HERC2: variants seen among roughly 807,000 people sequenced by gnomAD.
HERC2 encodes E3 ubiquitin-protein ligase HERC2.
Under a neutral mutation model 537.7 loss-of-function variants are expected in HERC2, and 102 were observed. The observed-to-expected ratio is 0.19, with a 90% CI of 0.16 to 0.22. The LOEUF is 0.22. Among genes scored for constraint, HERC2 ranks in the 10% least tolerant of loss-of-function variants. The probability of loss-of-function intolerance (pLI) is 1.00; values close to 1 mark genes in which losing one functional copy is unlikely to be tolerated. For synonymous variants in HERC2, 2,224 were observed against 2,466.2 expected (o/e 0.90, Z 2.91); for missense variants, 4,236 against 6,198.2 (o/e 0.68, Z 10.63).
chr15:28,262,839 G>T, intron 15 of HERC2, 79 bp downstream of exon 15: 1 of 1,415,176 alleles, frequency 7.1e-7, no homozygotes, highest in Non-Finnish European at 9.7e-7. Context: ...GTCAGGTTAA[G>T]AACATAAAAC....
At chr15:28,231,657 A>G (rs1281920659) in intron 30 of HERC2, among the ~76,000 whole-genome samples, 1 of 152,108 alleles carries the variant, frequency 6.6e-6, no homozygotes, top group Non-Finnish European at 1.5e-5. Flanking sequence ...ACTTCCCTCC[A>G]TGCACCCTTC....
In HERC2 at chr15:28,274,284, A is replaced by C; in HGVS notation, c.800+7T>G. ...GCGTGCAGAAGGCAAGAAAGGAAAG[A>C]ACTCACCCCGTCACGACGGACCTGA... On this transcript the variant is annotated splice_region_variant and intron_variant, in intron 7 of 92. Transcript: ENST00000261609. 6.2e-7 allele frequency: 1 copy of C among 1,614,008 alleles called. No individual in the cohort carries two copies. The highest frequency in any genetic ancestry group is 1.7e-5 in the Admixed American group (1 of 60,006).
At chr15:28,258,873 T>C (rs1422250135) in intron 16 of HERC2, among the ~76,000 whole-genome samples, 2 of 151,874 alleles carry the variant, frequency 1.3e-5, no homozygotes, top group Non-Finnish European at 2.9e-5. Flanking sequence ...AGATACAAAT[T>C]ATCAGAATCA....
At chr15:28,194,200 G>C (rs891072704) in intron 52 of HERC2, among the ~76,000 whole-genome samples, 63 of 150,358 alleles carry the variant, frequency 4.2e-4, no homozygotes, top group Non-Finnish European at 8.4e-4. Context: ...CGAGTAGCTG[G>C]GACTACAGGC....
At chr15:28,191,626 C>T (rs530495007) in intron 53 of HERC2, among the ~76,000 whole-genome samples, 3 of 152,286 alleles carry the variant, frequency 2.0e-5, no homozygotes, top group South Asian at 2.1e-4. Context: ...ATGTGCAACA[C>T]AAATTTGCTA....
intron 21 of HERC2, 92 bp from the exon 22 acceptor site, chr15:28,246,989 CAT>C: frequency 2.8e-6 from 3 of 1,062,260 alleles, no homozygotes; most frequent in Non-Finnish European, 4.2e-6. Context: ...CTCATCTACA[CAT>C]CTTTTACCCA....
In HERC2 at chr15:28,135,576, C is replaced by T. The variant is rs1282755679; in HGVS notation, c.12132G>A (p.Val4044=). 4.3e-6 allele frequency: 7 copies of T among 1,614,104 alleles called. No homozygotes were observed. The highest frequency in any genetic ancestry group is 5.9e-6 in the Non-Finnish European group (7 of 1,180,026). Reference sequence around the variant, plus strand: ...CAAGGCAGTGCTTTCCTCCAGAGTTCACAGCTACTTTCTTAATAAACACAT... The same window carrying T: ...CAAGGCAGTGCTTTCCTCCAGAGTTTACAGCTACTTTCTTAATAAACACAT... ...IQHVFIKKVA[V]NSGGKHCLAL... is the part of the protein sequence containing the mutation. The change falls in exon 79 of 93, where the codon GTG becomes GTA. Residue 4044 remains valine (V), a synonymous_variant. Coordinates refer to ENST00000261609, the MANE Select transcript of HERC2 (RefSeq NM_004667.6).
At chr15:28,264,548 T>C (rs1162588290) in intron 14 of HERC2, among the ~76,000 whole-genome samples, 1 of 152,114 alleles carries the variant, frequency 6.6e-6, no homozygotes, top group Non-Finnish European at 1.5e-5. Flanking sequence ...AGAAAATATA[T>C]AGCAGCACAG....
chr15:28,217,597 A>T, intron 38 of HERC2, among the ~76,000 whole-genome samples: 1 of 152,044 alleles, frequency 6.6e-6, no homozygotes. Flanking sequence ...CCACACAAAC[A>T]CTTTATGGAT....
rs1890952131 is a variant in HERC2 at position 28,139,286 on chromosome 15, G to C, written c.12015+2146C>G. ...TCTGTGATTCAGTTACACAGGACCG[G>C]GGCTCTGTCTCCTCCACTCTCTCTT... On this transcript the variant is annotated intron_variant, in intron 78 of 92. Coordinates refer to ENST00000261609, the MANE Select transcript of HERC2 (RefSeq NM_004667.6). Among the ~76,000 whole-genome samples, 3 of 152,298 alleles carry C rather than the reference G, an allele frequency of 2.0e-5. No individual in the cohort carries two copies. The South Asian group carries it at 6.2e-4, about 32-fold the overall frequency.
At chr15:28,115,855 G>A (rs1283780553) in intron 88 of HERC2, among the ~76,000 whole-genome samples, 1 of 152,230 alleles carries the variant, frequency 6.6e-6, no homozygotes, top group African/African-American at 2.4e-5. Flanking sequence ...CCTCCAGGGA[G>A]CTACAGCCCT....
chr15:28,263,678 A>G (rs2075475155), intron 14 of HERC2, among the ~76,000 whole-genome samples: 1 of 152,216 alleles, frequency 6.6e-6, no homozygotes, highest in African/African-American at 2.4e-5. Context: ...AAATATTTTT[A>G]TTTTTATGGT....
chr15:28,305,045 T>G (rs1377891226), intron 2 of HERC2, among the ~76,000 whole-genome samples: 1 of 149,240 alleles, frequency 6.7e-6, no homozygotes, highest in Non-Finnish European at 1.5e-5. Flanking sequence ...GGACATGAAC[T>G]CATCATTTTT....
rs772557119 is a variant in HERC2, at chr15:28,228,408, A to G, written c.5274T>C (p.Gly1758=). ...MDASAKFKEL[G]IQPVPLQTIT... ...TGGTTTGCAGGGGAACCGGCTGGAT[A>G]CCTAATGAGCATTGGCACCTACTGA... Residue 1758 remains glycine (G), a splice_region_variant and synonymous_variant, in exon 35 of 93, where the codon GGT becomes GGC. Transcript: ENST00000261609. 3.7e-6 allele frequency: 6 copies of G among 1,611,986 alleles called. No homozygotes were observed. Among genetic ancestry groups the G allele is most frequent in the Non-Finnish European group, 5.1e-6 (6 of 1,179,822 alleles).
At chr15:28,258,517 C>A (rs1388064804) in intron 16 of HERC2, among the ~76,000 whole-genome samples, 1 of 151,920 alleles carries the variant, frequency 6.6e-6, no homozygotes, top group Non-Finnish European at 1.5e-5. Context: ...AAAAACAATT[C>A]TCAAGAGAAA....
At position 28,162,977 on chromosome 15, in the gene HERC2, C is replaced by T. The variant is rs950988140; in HGVS notation, c.10746+117G>A. On this transcript the variant is annotated intron_variant, in intron 69 of 92. Coordinates refer to ENST00000261609, the MANE Select transcript of HERC2 (RefSeq NM_004667.6). The stretch of plus-strand genomic sequence containing the variant: ...AGGAGTGCTCCTAACCTGCAGTCTA[C>T]TAGGATGAAACCCAGCACAAGATCA... The T allele has an allele frequency of 9.3e-6, 8 of 857,296 alleles. No individual in the cohort carries two copies. In the South Asian group the frequency reaches 9.7e-5, roughly 10 times the overall value. The allele number at this position is 857,296 out of a possible 1,614,324, so 53.1% of individuals were successfully genotyped here.
At chr15:28,291,750 A>C (rs1445307645) in intron 4 of HERC2, among the ~76,000 whole-genome samples, 1 of 151,930 alleles carries the variant, frequency 6.6e-6, no homozygotes, top group Non-Finnish European at 1.5e-5. Flanking sequence ...CAATTAAAAA[A>C]TGGAATTAGC....
At chr15:28,199,357 A>AT (rs1292768352) in intron 48 of HERC2, among the ~76,000 whole-genome samples, 1 of 152,180 alleles carries the variant, frequency 6.6e-6, no homozygotes, top group African/African-American at 2.4e-5. Flanking sequence ...CATCAAAAAC[A>AT]TAACAGTGGA....
intron 14 of HERC2, among the ~76,000 whole-genome samples, chr15:28,263,764 G>A (rs1403784554): frequency 6.6e-6 from 1 of 152,112 alleles, no homozygotes; most frequent in African/African-American, 2.4e-5. Context: ...GGGCATGGTA[G>A]CTCACACCTG....
Sources: allele counts gnomAD v4.1 joint callset (sites outside exome capture counted in the v4.1 genomes callset), GRCh38; gene constraint gnomAD v4.1.1; transcripts MANE v1.5; gene names NCBI Gene and HGNC (gene_info 2026-07-23, HGNC 2026-07-21).